The following RCE1 variants were observed in gnomAD, a reference collection of about 807,000 sequenced individuals.
RCE1 encodes Ras converting CAAX endopeptidase 1, also known as CAAX prenyl protease 2.
In RCE1, 15 loss-of-function variants were observed where a neutral mutation model predicts 35.0. The observed-to-expected ratio is 0.43, with a 90% CI of 0.29 to 0.66. The LOEUF (loss-of-function observed/expected upper bound fraction) is 0.66, where lower values mean the gene tolerates loss of function less well. Ranked by LOEUF, RCE1 falls within the 30% of genes least tolerant of loss-of-function variation. The probability of loss-of-function intolerance (pLI) is 0.17; values close to 1 mark genes in which losing one functional copy is unlikely to be tolerated. For synonymous variants in RCE1, 261 were observed against 192.7 expected (o/e 1.35, Z -2.94); for missense variants, 434 against 433.0 (o/e 1.00, Z -0.02).
chr11:66,844,087 G>A (rs751673568), intron 3 of RCE1, 48 bp downstream of exon 3: 1 of 1,613,502 alleles, frequency 6.2e-7, no homozygotes, highest in Non-Finnish European at 8.5e-7. Flanking sequence ...TTATCAGCCT[G>A]ATGGGCAGTG....
chr11:66,844,240 TG>T (rs769794985), intron 3 of RCE1, 45 bp from the exon 4 acceptor site: 1 of 1,613,596 alleles, frequency 6.2e-7, no homozygotes, highest in Non-Finnish European at 8.5e-7. Flanking sequence ...GGCAAAGGTC[TG>T]GGCAAAAGCG....
At position 66,844,286 on chromosome 11, in the gene RCE1, A is replaced by G. The variant is rs1462474394; in HGVS notation, c.373A>G (p.Ile125Val). ...AALLPLLLTM[I>V]LFLGPLMQLS... ...GGTGAAAGTGTTTTCTTGCCCTCAGATTCTTTTCCTGGGCCCACTGATGCA... is the reference window on the plus strand; with the variant it reads ...GGTGAAAGTGTTTTCTTGCCCTCAGGTTCTTTTCCTGGGCCCACTGATGCA... Residue 125 changes from isoleucine (I) to valine (V), a missense_variant and splice_region_variant, in exon 4 of 8, where the codon ATT (isoleucine) becomes GTT (valine). Transcript: ENST00000309657. 5.0e-6 allele frequency: 8 copies of G among 1,614,084 alleles called. No individual in the cohort carries two copies. The highest frequency in any genetic ancestry group is 1.1e-5 in the South Asian group (1 of 91,078).
rs201147022 is a variant in RCE1, at chr11:66,845,078, G to A, written c.619+42G>A. On this transcript the variant is annotated intron_variant, in intron 5 of 7. Transcript: ENST00000309657. Reference sequence around the variant, plus strand: ...TAGTCCTGGTGTGTTTTCAGCATGAGAGCTCAGAAGGGGGCTTGAGGTGAG... The same window carrying A: ...TAGTCCTGGTGTGTTTTCAGCATGAAAGCTCAGAAGGGGGCTTGAGGTGAG... 115 of 1,609,696 alleles carry A rather than the reference G, an allele frequency of 7.1e-5. No individual in the cohort carries two copies. The East Asian group carries it at 2.5e-3, about 36-fold the overall frequency.
intron 4 of RCE1, 60 bp from the exon 5 acceptor site, chr11:66,844,809 T>G (rs538803557): frequency 6.7e-7 from 1 of 1,489,234 alleles, no homozygotes; most frequent in African/African-American, 1.4e-5. Flanking sequence ...CCTTGGAGCC[T>G]CTGGGGTCTC....
rs756610357 is a variant in RCE1, at chr11:66,845,572, C to T, written c.754+10C>T. ...CTCTTCATCCGCACAGGTTGGTCCT[C>T]AGTCCCTCATGGGTCCCTGGGGGCC... On this transcript the variant is annotated intron_variant, in intron 7 of 7. Coordinates refer to ENST00000309657, the MANE Select transcript of RCE1 (RefSeq NM_005133.3). 7 of 1,614,084 alleles carry T rather than the reference C, an allele frequency of 4.3e-6. No homozygotes were observed. In the Admixed American group the frequency reaches 8.3e-5, roughly 19 times the overall value.
Position 66,846,331 on chromosome 11 carries a change from G to A in RCE1, c.*236G>A. 3 of 492,888 alleles carry A rather than the reference G, an allele frequency of 6.1e-6. No homozygotes were observed. Among genetic ancestry groups the A allele is most frequent in the Non-Finnish European group, 1.1e-5 (3 of 285,014 alleles). 30.5% of individuals were successfully genotyped at this position (492,888 alleles called of 1,614,324 possible). On this transcript the variant is annotated 3_prime_UTR_variant, in exon 8 of 8. Coordinates refer to ENST00000309657, the MANE Select transcript of RCE1 (RefSeq NM_005133.3). ...CTGTGAGTGAGGGGACAAGGGGCAGGTCCCAGGAGCCACACACTCCCTTCC... is the reference window on the plus strand; with the variant it reads ...CTGTGAGTGAGGGGACAAGGGGCAGATCCCAGGAGCCACACACTCCCTTCC...
At chr11:66,845,103 G>A (rs1208657610) in intron 5 of RCE1, 63 bp from the exon 6 acceptor site, 1 of 1,612,916 alleles carries the variant, frequency 6.2e-7, no homozygotes, top group Non-Finnish European at 8.5e-7. Context: ...CTTGAGGTGA[G>A]GGGCAGTCCT....
rs780373145 is a variant in RCE1, at chr11:66,845,251, A to C, written c.691+14A>C. 1.2e-6 allele frequency: 2 copies of C among 1,614,004 alleles called. No homozygotes were observed. Among genetic ancestry groups the C allele is most frequent in the African/African-American group, 1.3e-5 (1 of 74,902 alleles). ...TCTTGTCTGCTGGTGAGTCCTGGCT[A>C]GCTGGCCTGGGTTAGGGTGTATGAT... is the stretch of plus-strand genomic sequence containing the variant. On this transcript the variant is annotated intron_variant, in intron 6 of 7. Transcript: ENST00000309657.
At chr11:66,845,618 T>G (rs1945195883) in intron 7 of RCE1, 56 bp downstream of exon 7, 1 of 1,610,574 alleles carries the variant, frequency 6.2e-7, no homozygotes, top group African/African-American at 1.3e-5. Flanking sequence ...GGTGGGAGAA[T>G]GGGAATACTG....
At chr11:66,844,394 G>C in intron 4 of RCE1, 30 bp downstream of exon 4, 2 of 1,613,592 alleles carry the variant, frequency 1.2e-6, no homozygotes, top group Non-Finnish European at 8.5e-7. Flanking sequence ...GGGAAAAGTA[G>C]GCACAGGCAG....
At chr11:66,845,409 G>T (rs1448616093) in intron 6 of RCE1, 91 bp from the exon 7 acceptor site, 1 of 1,602,314 alleles carries the variant, frequency 6.2e-7, no homozygotes, top group Non-Finnish European at 8.5e-7. Context: ...GCCCCGGGGG[G>T]AGGGGATGGT....
chr11:66,843,536 C>A lies in RCE1; in HGVS notation c.81C>A (p.Gly27=). Residue 27 remains glycine, a synonymous_variant, in exon 1 of 8, where the codon GGC becomes GGA. Coordinates refer to ENST00000309657, the MANE Select transcript of RCE1 (RefSeq NM_005133.3). ...GGCCGCCCGAGTCGGCGGCGCTGGGCGGCCTGGGCCCCGGGCTGTGCTGCT... is the reference window on the plus strand; with the variant it reads ...GGCCGCCCGAGTCGGCGGCGCTGGGAGGCCTGGGCCCCGGGCTGTGCTGCT... ...PERPPESAAL[G]GLGPGLCCWV... The A allele has an allele frequency of 1.3e-6, 2 of 1,527,416 alleles. No individual in the cohort carries two copies. Among genetic ancestry groups the A allele is most frequent in the Admixed American group, 2.0e-5 (1 of 49,410 alleles). The allele number at this position is 1,527,416 out of a possible 1,614,324, so 94.6% of individuals were successfully genotyped here. A position where few individuals can be genotyped will look rare whatever the true frequency, so the allele number is the denominator to read the frequency against.
In RCE1 at chr11:66,843,465, C is replaced by G. The variant is rs1187996663; in HGVS notation, c.10C>G (p.Leu4Val). The G allele has an allele frequency of 3.5e-5, 50 of 1,414,234 alleles. No individual in the cohort carries two copies. Among genetic ancestry groups the G allele is most frequent in the African/African-American group, 4.6e-5 (3 of 65,528 alleles). 87.6% of individuals were successfully genotyped at this position (1,414,234 alleles called of 1,614,324 possible). MAA[L>V]GGDGLRLLSV... is the part of the protein sequence containing the mutation. Reference sequence around the variant, plus strand: ...CGCGGGTCAGGGCGCAATGGCGGCGCTGGGCGGGGATGGGCTGCGACTGCT... The same window carrying G: ...CGCGGGTCAGGGCGCAATGGCGGCGGTGGGCGGGGATGGGCTGCGACTGCT... The change falls in exon 1 of 8, where the codon CTG becomes GTG. Residue 4 changes from leucine (L) to valine (V), a missense_variant. Physicochemically the swap from Leu to Val is conservative, Grantham distance 32. Transcript: ENST00000309657.
chr11:66,843,707 TCCGTGCTCATGGGCAGCCGCGGGC>T, intron 1 of RCE1, 28 bp from the exon 2 acceptor site: 2 of 1,604,926 alleles, frequency 1.2e-6, no homozygotes, highest in Non-Finnish European at 1.7e-6. Context: ...CGGGGGCGGG[TCCGTGCTCATGGGCAGCCGCGGGC>T]CCCCTGAACT....
Position 66,843,635 on chromosome 11 carries a change from G to T in RCE1, c.180G>T (p.Leu60=), listed in dbSNP as rs1430577782. The change falls in exon 1 of 8, where the codon CTG becomes CTT. Residue 60 remains leucine (L), a synonymous_variant. Transcript: ENST00000309657. ...GCCTCTACGTCTGGAAGAGCGAACT[G>T]CCCAGGTGCGGGGGCTGCGCGCGAC... ...VGSLYVWKSE[L]PRDHPAVIKR... 1.2e-6 allele frequency: 2 copies of T among 1,602,474 alleles called. No individual in the cohort carries two copies. Among genetic ancestry groups the T allele is most frequent in the Non-Finnish European group, 1.7e-6 (2 of 1,177,128 alleles).
chr11:66,844,505 A>G (rs1945164159), intron 4 of RCE1, 141 bp downstream of exon 4: 3 of 1,215,870 alleles, frequency 2.5e-6, no homozygotes, highest in Non-Finnish European at 3.5e-6. Context: ...AAATGGAAAC[A>G]TAGAGCTAGG....
rs1216586692 is a variant in RCE1 at position 66,844,266 on chromosome 11, A to G, written c.373-20A>G. 1 of 1,614,066 alleles carries G rather than the reference A, an allele frequency of 6.2e-7. No individual in the cohort carries two copies. Among genetic ancestry groups the G allele is most frequent in the Admixed American group, 1.7e-5 (1 of 60,018 alleles). On this transcript the variant is annotated intron_variant, in intron 3 of 7. Transcript: ENST00000309657. ...GGGCAAAAGCGGTGGGTTATGGTGA[A>G]AGTGTTTTCTTGCCCTCAGATTCTT...
chr11:66,844,738 G>A (rs1945170296), intron 4 of RCE1, 131 bp from the exon 5 acceptor site: 2 of 1,289,694 alleles, frequency 1.6e-6, no homozygotes, highest in African/African-American at 1.5e-5. Flanking sequence ...CCACACCCCC[G>A]TCCTCAGCAG....
intron 3 of RCE1, 122 bp from the exon 4 acceptor site, chr11:66,844,164 T>C (rs1450484724): frequency 1.3e-6 from 2 of 1,588,596 alleles, no homozygotes; most frequent in Non-Finnish European, 1.7e-6. Context: ...CCCAGGGTCC[T>C]CCGGTATGCA....
Sources: gnomAD v4.1 joint callset for allele counts on GRCh38, gnomAD v4.1.1 for gene constraint, MANE v1.5 for transcripts, NCBI Gene and HGNC (gene_info 2026-07-23, HGNC 2026-07-21) for gene names.